Variants in KLF12 observed in about 807,000 individuals in gnomAD.
The protein encoded by KLF12 is Krueppel-like factor 12.
KLF12 carries 9 observed loss-of-function variants against 37.8 expected under a neutral mutation model. That is an observed-to-expected ratio of 0.24 (90% CI 0.14 to 0.42). The LOEUF is 0.42. Among genes scored for constraint, KLF12 ranks in the 10% least tolerant of loss-of-function variants. The pLI, the probability that KLF12 is intolerant of heterozygous loss-of-function variation, is 1.00. For synonymous variants in KLF12, 208 were observed against 202.1 expected, an observed-to-expected ratio of 1.03 and a Z score of -0.25; for missense variants, 411 against 516.0, an observed-to-expected ratio of 0.80 and a Z score of 1.97.
intron 5 of KLF12, among the ~76,000 whole-genome samples, chr13:73,799,064 T>C (rs75334060): frequency 6.6e-6 from 1 of 152,166 alleles, no homozygotes; most frequent in African/African-American, 2.4e-5. Flanking sequence ...ATATACCCCA[T>C]GGAATACTAT....
intron 1 of KLF12, among the ~76,000 whole-genome samples, chr13:74,128,566 G>A (rs1410071922): frequency 6.6e-6 from 1 of 152,176 alleles, no homozygotes; most frequent in East Asian, 1.9e-4. Flanking sequence ...TAGTTAGCAA[G>A]CAAGAGAGTA....
chr13:73,956,300 G>A (rs889117832), intron 2 of KLF12, among the ~76,000 whole-genome samples: 1 of 152,130 alleles, frequency 6.6e-6, no homozygotes, highest in African/African-American at 2.4e-5. Flanking sequence ...TGCTGAATAT[G>A]GCTAAAATAA....
chr13:73,810,559 C>T (rs187174302), intron 5 of KLF12, among the ~76,000 whole-genome samples: 61 of 152,120 alleles, frequency 4.0e-4, no homozygotes, highest in African/African-American at 1.3e-3. Flanking sequence ...TGAGCCACCA[C>T]GCCCGGCTGT....
At chr13:74,150,968 A>G in the KLF12 span, among the ~76,000 whole-genome samples, 1 of 152,216 alleles carries the variant, frequency 6.6e-6, no homozygotes, top group Non-Finnish European at 1.5e-5. Context: ...ATCTGAAACT[A>G]CTGTATTTTC....
At chr13:74,025,769 A>C (rs1892962262) in intron 1 of KLF12, among the ~76,000 whole-genome samples, 1 of 152,154 alleles carries the variant, frequency 6.6e-6, no homozygotes, top group African/African-American at 2.4e-5. Context: ...TGATGAATAA[A>C]GTAAATGAAA....
intron 5 of KLF12, among the ~76,000 whole-genome samples, chr13:73,785,156 C>T (rs1321099980): frequency 2.6e-5 from 4 of 151,102 alleles, no homozygotes. Flanking sequence ...TGCTTTGTCA[C>T]CCAGGCTGGA....
chr13:73,853,612 G>A (rs1441592796), intron 3 of KLF12, among the ~76,000 whole-genome samples: 2 of 151,988 alleles, frequency 1.3e-5, no homozygotes, highest in African/African-American at 2.4e-5. Context: ...GGTGGTGGGC[G>A]CCTGTAATCC....
chr13:73,860,619 C>T (rs1885875210), intron 3 of KLF12, among the ~76,000 whole-genome samples: 1 of 152,008 alleles, frequency 6.6e-6, no homozygotes, highest in African/African-American at 2.4e-5. Context: ...TGGTGCACAC[C>T]TGTAGTCTTA....
chr13:74,098,162 A>G (rs1876090510), intron 1 of KLF12, among the ~76,000 whole-genome samples: 1 of 152,198 alleles, frequency 6.6e-6, no homozygotes, highest in Non-Finnish European at 1.5e-5. Context: ...ATAATAATAA[A>G]GTCAATTCAG....
rs547647096 is a variant in KLF12, at chr13:73,966,702, T to C, written c.34-22632A>G. On this transcript the variant is annotated intron_variant, in intron 2 of 7. Coordinates refer to ENST00000377669, the MANE Select transcript of KLF12 (RefSeq NM_007249.5). ...CAATCTTCCACAATCCTTTCTCCTG[T>C]TCAAGAGACAGCAACCTTAAAGTCT... Among the ~76,000 whole-genome samples the C allele has an allele frequency of 3.3e-5, 5 of 152,290 alleles. No homozygotes were observed. In the East Asian group the frequency reaches 7.7e-4, roughly 24 times the overall value.
At chr13:73,770,476 T>G (rs1419295220) in intron 5 of KLF12, among the ~76,000 whole-genome samples, 1 of 152,168 alleles carries the variant, frequency 6.6e-6, no homozygotes, top group Non-Finnish European at 1.5e-5. Flanking sequence ...TTATGTTACT[T>G]TTAGAAAAGT....
intron 1 of KLF12, among the ~76,000 whole-genome samples, chr13:74,002,830 A>G (rs2138318947): frequency 6.6e-6 from 1 of 152,364 alleles, no homozygotes; most frequent in Non-Finnish European, 1.5e-5. Flanking sequence ...TCTGTTATCA[A>G]TTCACACATG....
In KLF12 at chr13:74,025,808, A is replaced by G. The variant is rs138167691; in HGVS notation, c.-31-30755T>C. ...ATTTGACTGACTGGATGACATTACCAAATGACTGCAGATATAGCTAAATGA... is the reference window on the plus strand; with the variant it reads ...ATTTGACTGACTGGATGACATTACCGAATGACTGCAGATATAGCTAAATGA... On this transcript the variant is annotated intron_variant, in intron 1 of 7. Coordinates refer to ENST00000377669, the MANE Select transcript of KLF12 (RefSeq NM_007249.5). 5.4e-3 allele frequency among the ~76,000 whole-genome samples: 827 copies of G among 152,300 alleles called. 7 individuals carry two copies. Among genetic ancestry groups the G allele is most frequent in the African/African-American group, 0.019 (796 of 41,566 alleles).
At chr13:74,170,452 T>C in the KLF12 span, among the ~76,000 whole-genome samples, 2 of 152,208 alleles carry the variant, frequency 1.3e-5, no homozygotes, top group Non-Finnish European at 2.9e-5. Flanking sequence ...ACCAGAAATA[T>C]ACTATCCTTC....
intron 2 of KLF12, among the ~76,000 whole-genome samples, chr13:73,966,998 G>A (rs1324906): frequency 1 from 152,273 of 152,332 alleles, 76,107 homozygotes; most frequent in Non-Finnish European, 1. Flanking sequence ...TAACCAAAAT[G>A]ACTTCCAGGA....
At chr13:73,723,279 C>G (rs984818796) in intron 6 of KLF12, among the ~76,000 whole-genome samples, 1 of 151,998 alleles carries the variant, frequency 6.6e-6, no homozygotes, top group African/African-American at 2.4e-5. Flanking sequence ...CTATGCATTG[C>G]GAAGACTTTA....
chr13:73,975,907 G>A (rs1262250382), intron 2 of KLF12, among the ~76,000 whole-genome samples: 1 of 151,976 alleles, frequency 6.6e-6, no homozygotes, highest in Non-Finnish European at 1.5e-5. Flanking sequence ...ATTTAGGTTG[G>A]GCGATCCCGC....
At chr13:74,218,169 C>G in the KLF12 span, among the ~76,000 whole-genome samples, 1 of 152,130 alleles carries the variant, frequency 6.6e-6, no homozygotes, top group Non-Finnish European at 1.5e-5. Flanking sequence ...ATGCTCCTCA[C>G]CAGAACTGAA....
intron 2 of KLF12, among the ~76,000 whole-genome samples, chr13:73,981,184 C>G (rs1333274919): frequency 6.6e-6 from 1 of 152,048 alleles, no homozygotes; most frequent in East Asian, 1.9e-4. Flanking sequence ...AAACAAAAAA[C>G]TATTGCAACT....
Sources: allele counts gnomAD v4.1 joint callset (sites outside exome capture counted in the v4.1 genomes callset), GRCh38; gene constraint gnomAD v4.1.1; transcripts MANE v1.5; gene names NCBI Gene and HGNC (gene_info 2026-07-23, HGNC 2026-07-21).